CRYGN: variants seen among roughly 807,000 people sequenced by gnomAD.
CRYGN encodes the protein crystallin gamma N.
A neutral mutation model predicts 19.2 loss-of-function variants in CRYGN; 17 were observed. That is an observed-to-expected ratio of 0.89 (90% CI 0.61 to 1.33). The LOEUF (loss-of-function observed/expected upper bound fraction) is 1.33. CRYGN is among the 40% of genes most tolerant of loss of function. The probability of loss-of-function intolerance (pLI) is 0.00; values close to 1 mark genes in which losing one functional copy is unlikely to be tolerated. For synonymous variants in CRYGN, 84 were observed against 85.8 expected, an observed-to-expected ratio of 0.98 and a Z score of 0.12; for missense variants, 239 against 239.6, an observed-to-expected ratio of 1.00 and a Z score of 0.02.
Position 151,429,661 on chromosome 7 carries a change from C to G in CRYGN, c.*387G>C, listed in dbSNP as rs1321042963. 6.9e-6 allele frequency: 2 copies of G among 290,660 alleles called. No individual in the cohort carries two copies. The highest frequency in any genetic ancestry group is 4.3e-5 in the African/African-American group (2 of 46,182). The allele number at this position is 290,660 out of a possible 1,614,324, so 18.0% of individuals were successfully genotyped here. A position where few individuals can be genotyped will look rare whatever the true frequency, so the allele number is the denominator to read the frequency against. ...AACTGTACAGTGGTGATAAGCATAT[C>G]ATCTTGGCATTATTGTATATGATAA... is the stretch of plus-strand genomic sequence containing the variant. On this transcript the variant is annotated 3_prime_UTR_variant, in exon 4 of 4. Transcript: ENST00000337323.
At position 151,437,974 on chromosome 7, in the gene CRYGN, T is replaced by G. The variant is rs1311199535; in HGVS notation, c.270+22A>C. 4 of 1,610,658 alleles carry G rather than the reference T, an allele frequency of 2.5e-6. No individual in the cohort carries two copies. The Admixed American group carries it at 6.7e-5, about 27-fold the overall frequency. On this transcript the variant is annotated intron_variant, in intron 2 of 3. Transcript: ENST00000337323. ...GTCCCTCCAGCAGGAAGACTCAGCC[T>G]TCGGTGGACGGGCCCACTCACCATT...
Position 151,430,038 on chromosome 7 carries a change from G to A in CRYGN, c.*10C>T, listed in dbSNP as rs73476442. ...GTGCAGGTGCATTTACATGTCAATC[G>A]GTTCCAGGCTCAGAGGTTTGCAGTC... On this transcript the variant is annotated 3_prime_UTR_variant, in exon 4 of 4. Coordinates refer to ENST00000337323, the MANE Select transcript of CRYGN (RefSeq NM_144727.3). This position sits in a 1 kb window ranked among gnomAD's most constrained non-coding sequence, Gnocchi z 5.2. The A allele has an allele frequency of 1.8e-3, 1,686 of 940,602 alleles. 19 individuals carry two copies. The African/African-American group carries it at 0.024, about 13-fold the overall frequency. The allele number at this position is 940,602 out of a possible 1,614,324, so 58.3% of individuals were successfully genotyped here. A position where few individuals can be genotyped will look rare whatever the true frequency, so the allele number is the denominator to read the frequency against.
Position 151,436,471 on chromosome 7 carries a change from G to A in CRYGN, c.271-146C>T, listed in dbSNP as rs2150908377. On this transcript the variant is annotated intron_variant, in intron 2 of 3. Coordinates refer to ENST00000337323, the MANE Select transcript of CRYGN (RefSeq NM_144727.3). The surrounding 1 kb of genome is among the most constrained non-coding windows in gnomAD (Gnocchi z 5.1). ...CCACACACTTCAACCCCACACTTCT[G>A]TTTGTTCTTCCACATGAGATGTGGT... 2 of 584,564 alleles carry A rather than the reference G, an allele frequency of 3.4e-6. No homozygotes were observed. The highest frequency in any genetic ancestry group is 5.5e-6 in the Non-Finnish European group (2 of 364,632). 36.2% of individuals were successfully genotyped at this position (584,564 alleles called of 1,614,324 possible). A position where few individuals can be genotyped will look rare whatever the true frequency, so the allele number is the denominator to read the frequency against.
Position 151,437,970 on chromosome 7 carries a change from A to G in CRYGN, c.270+26T>C, listed in dbSNP as rs368633382. The G allele has an allele frequency of 1.7e-5, 28 of 1,609,948 alleles. No homozygotes were observed. In the South Asian group the frequency reaches 2.7e-4, roughly 16 times the overall value. The stretch of plus-strand genomic sequence containing the variant: ...CTCGGTCCCTCCAGCAGGAAGACTC[A>G]GCCTTCGGTGGACGGGCCCACTCAC... On this transcript the variant is annotated intron_variant, in intron 2 of 3. Transcript: ENST00000337323.
Position 151,435,052 on chromosome 7 carries a change from T to A in CRYGN, c.416+1128A>T, listed in dbSNP as rs529565670. Among the ~76,000 whole-genome samples the A allele has an allele frequency of 6.6e-6, 1 of 152,250 alleles. No homozygotes were observed. Among genetic ancestry groups the A allele is most frequent in the African/African-American group, 2.4e-5 (1 of 41,464 alleles). On this transcript the variant is annotated intron_variant, in intron 3 of 3. Coordinates refer to ENST00000337323, the MANE Select transcript of CRYGN (RefSeq NM_144727.3). The surrounding 1 kb of genome is among the most constrained non-coding windows in gnomAD (Gnocchi z 4.2). ...ATTTTCGCTGTGCGGTTGGAGCCCA[T>A]GGACATGGGGTACCACCTGTGCCCA...
intron 3 of CRYGN, among the ~76,000 whole-genome samples, chr7:151,434,915 A>G (rs1801564806): frequency 6.6e-6 from 1 of 152,248 alleles, no homozygotes; most frequent in Non-Finnish European, 1.5e-5. Context: ...ACTCGAAATC[A>G]TCTCCAGATT....
At chr7:151,432,310 A>AG (rs1584822353) in intron 3 of CRYGN, 2 of 1,196,092 alleles carry the variant, frequency 1.7e-6, no homozygotes, top group Non-Finnish European at 2.1e-6. Context: ...AGTGGGGATC[A>AG]GGGGCTGCCA....
Position 151,438,171 on chromosome 7 carries a change from TC to T in CRYGN, c.94del (p.Asp32ThrfsTer5), listed in dbSNP as rs1801670116. On this transcript the variant is annotated frameshift_variant, in exon 2 of 4. Coordinates refer to ENST00000337323, the MANE Select transcript of CRYGN (RefSeq NM_144727.3). LOFTEE classifies it high-confidence loss of function. ...EVFGDCDNFQDRGFMNRVNSI... is the reference protein window; with the variant it reads ...EVFGDCDNFQXRGFMNRVNSI... The stretch of plus-strand genomic sequence containing the variant: ...GTTCACTCGGTTCATAAAGCCCCGG[TC>T]CTGGAAGTTGTCACAGTCCCCGAAG... 1.2e-6 allele frequency: 2 copies of T among 1,614,098 alleles called. No individual in the cohort carries two copies. The highest frequency in any genetic ancestry group is 1.3e-5 in the African/African-American group (1 of 74,932).
intron 2 of CRYGN, 116 bp downstream of exon 2, chr7:151,437,880 T>C: frequency 6.4e-7 from 1 of 1,563,850 alleles, no homozygotes. Context: ...CCTTCAGTCT[T>C]ACAGACTTTA....
chr7:151,435,349 G>A lies in CRYGN; in HGVS notation c.416+831C>T, dbSNP rs73727198. On this transcript the variant is annotated intron_variant, in intron 3 of 3. Transcript: ENST00000337323. The surrounding 1 kb of genome is among the most constrained non-coding windows in gnomAD (Gnocchi z 4.2). ...CTCAGCTGTGCCACTCCCACGGGGC[G>A]GCCGGGCAGTCAGCCTTCTGAGTCT... is the stretch of plus-strand genomic sequence containing the variant. Among the ~76,000 whole-genome samples, 9,046 of 152,238 alleles carry A rather than the reference G, an allele frequency of 0.059. 540 individuals are homozygous for A. The highest frequency in any genetic ancestry group is 0.15 in the African/African-American group (6,151 of 41,520).
intron 1 of CRYGN, 110 bp downstream of exon 1, chr7:151,439,787 C>T (rs951729036): frequency 8.3e-7 from 1 of 1,203,984 alleles, no homozygotes. Flanking sequence ...ATTAAACCAG[C>T]TTCCCTTGGA....
chr7:151,438,164 GC>G lies in CRYGN; in HGVS notation c.101del (p.Gly34AlafsTer3). ...FGDCDNFQDR[G>X]FMNRVNSIHV... is the part of the protein sequence containing the mutation. Reference sequence around the variant, plus strand: ...GGATGGAGTTCACTCGGTTCATAAAGCCCCGGTCCTGGAAGTTGTCACAGTC... The same window carrying G: ...GGATGGAGTTCACTCGGTTCATAAAGCCCGGTCCTGGAAGTTGTCACAGTC... On this transcript the variant is annotated frameshift_variant, in exon 2 of 4. Transcript: ENST00000337323. LOFTEE classifies it high-confidence loss of function. 1 of 1,614,220 alleles carries G rather than the reference GC, an allele frequency of 6.2e-7. No homozygotes were observed. Among genetic ancestry groups the G allele is most frequent in the Non-Finnish European group, 8.5e-7 (1 of 1,180,046 alleles).
rs1253958416 is a variant in CRYGN at position 151,439,982 on chromosome 7, G to A, written c.-65C>T. ...GGCAGCGCCCTGCTGGCTCAGCGCC[G>A]CCCCGGACAAAAGATTTGCTGGGCC... On this transcript the variant is annotated 5_prime_UTR_variant, in exon 1 of 4. Transcript: ENST00000337323. 2.1e-6 allele frequency: 3 copies of A among 1,453,626 alleles called. No homozygotes were observed. The highest frequency in any genetic ancestry group is 2.8e-5 in the East Asian group (1 of 36,108). The allele number at this position is 1,453,626 out of a possible 1,614,324, so 90.0% of individuals were successfully genotyped here. A position where few individuals can be genotyped will look rare whatever the true frequency, so the allele number is the denominator to read the frequency against.
upstream of CRYGN, chr7:151,440,522 C>G (rs964187650): frequency 6.5e-6 from 1 of 153,532 alleles, no homozygotes; most frequent in African/African-American, 2.4e-5. Context: ...TGATGCACCC[C>G]CCCACACCCC....
rs1427400439 is a variant in CRYGN, at chr7:151,430,293, G to A, written c.417-113C>T. 51 of 1,032,644 alleles carry A rather than the reference G, an allele frequency of 4.9e-5. No individual in the cohort carries two copies. The highest frequency in any genetic ancestry group is 1.3e-4 in the South Asian group (8 of 63,810). 64.0% of individuals were successfully genotyped at this position (1,032,644 alleles called of 1,614,324 possible). A position where few individuals can be genotyped will look rare whatever the true frequency, so the allele number is the denominator to read the frequency against. The stretch of plus-strand genomic sequence containing the variant: ...GGGAGCCCCTTCCCCTTTCCTGGGC[G>A]GAGTGGACGGTTGCCTAGTGGTTTC... On this transcript the variant is annotated intron_variant, in intron 3 of 3. Coordinates refer to ENST00000337323, the MANE Select transcript of CRYGN (RefSeq NM_144727.3). This position sits in a 1 kb window ranked among gnomAD's most constrained non-coding sequence, Gnocchi z 5.2.
chr7:151,439,760 C>A, intron 1 of CRYGN, 137 bp downstream of exon 1: 1 of 974,382 alleles, frequency 1.0e-6, no homozygotes, highest in South Asian at 1.9e-5. Context: ...AGCGAGGCCA[C>A]CCCATTTTAT....
chr7:151,434,711 T>C (rs1364946493), intron 3 of CRYGN, among the ~76,000 whole-genome samples: 1 of 152,248 alleles, frequency 6.6e-6, no homozygotes, highest in East Asian at 1.9e-4. Flanking sequence ...AGTCCTCACT[T>C]AACACCGTCA....
chr7:151,432,328 C>T, intron 3 of CRYGN: 2 of 1,116,120 alleles, frequency 1.8e-6, no homozygotes, highest in Non-Finnish European at 2.3e-6. Flanking sequence ...CCAGGAAGTC[C>T]CCCGGGACTC....
rs1801417234 is a variant in CRYGN at position 151,429,438 on chromosome 7, G to A, written c.*610C>T. ...ATGATTGCACTCATTTCACAGAACA[G>A]GGTCTGAGGCCTGGAGAGGCTTTGG... On this transcript the variant is annotated 3_prime_UTR_variant, in exon 4 of 4. Transcript: ENST00000337323. 1.2e-5 allele frequency: 2 copies of A among 161,796 alleles called. No homozygotes were observed. The highest frequency in any genetic ancestry group is 2.7e-5 in the Non-Finnish European group (2 of 72,916). 10.0% of individuals were successfully genotyped at this position (161,796 alleles called of 1,614,324 possible).
Sources: gnomAD v4.1 joint callset for allele counts (sites outside exome capture counted in the v4.1 genomes callset) on GRCh38, gnomAD v4.1.1 for gene constraint, Gnocchi (gnomAD v3.1) non-coding constraint, MANE v1.5 for transcripts, NCBI Gene and HGNC (gene_info 2026-07-23, HGNC 2026-07-21) for gene names.